Variants in ASIC2 observed in about 807,000 individuals in gnomAD.
ASIC2 encodes the protein acid-sensing ion channel 2.
A neutral mutation model predicts 57.3 loss-of-function variants in ASIC2; 25 were observed. The ratio of observed to expected loss-of-function variants is 0.44; its 90% CI spans 0.32 to 0.61. The LOEUF is 0.61. ASIC2 is among the 20% of genes least tolerant of loss of function. ASIC2 has a pLI of 0.06. For synonymous variants in ASIC2, 319 were observed against 307.5 expected (o/e 1.04, Z -0.39); for missense variants, 641 against 738.1 (o/e 0.87, Z 1.52).
intron 1 of ASIC2, among the ~76,000 whole-genome samples, chr17:33,750,630 T>C (rs962675540): frequency 9.2e-5 from 14 of 152,214 alleles, no homozygotes; most frequent in Admixed American, 9.2e-4. Flanking sequence ...GCACCCTATG[T>C]GGAGTGCACC....
chr17:34,130,032 T>C (rs1054640964), intron 1 of ASIC2, among the ~76,000 whole-genome samples: 1 of 152,214 alleles, frequency 6.6e-6, no homozygotes, highest in Non-Finnish European at 1.5e-5. Context: ...AAAGCCACCA[T>C]GGAAACTTGC....
At chr17:33,352,184 G>A (rs1276312612) in intron 1 of ASIC2, among the ~76,000 whole-genome samples, 2 of 152,112 alleles carry the variant, frequency 1.3e-5, no homozygotes, top group Non-Finnish European at 2.9e-5. Flanking sequence ...TCTTCCATCT[G>A]AATCTCGACT....
intron 1 of ASIC2, among the ~76,000 whole-genome samples, chr17:33,589,373 A>G (rs1904753240): frequency 1.3e-5 from 2 of 152,162 alleles, no homozygotes; most frequent in African/African-American, 4.8e-5. Flanking sequence ...TAAACATAAC[A>G]AAGTTTATTG....
chr17:33,153,904 C>T (rs1046035554), intron 1 of ASIC2, among the ~76,000 whole-genome samples: 6 of 152,196 alleles, frequency 3.9e-5, no homozygotes, highest in South Asian at 2.1e-4. Flanking sequence ...CACTGAGATC[C>T]GAGCTCCTGC....
intron 1 of ASIC2, among the ~76,000 whole-genome samples, chr17:34,024,047 G>C (rs1907280533): frequency 6.6e-6 from 1 of 152,200 alleles, no homozygotes; most frequent in Non-Finnish European, 1.5e-5. Context: ...ATGGAGGCAG[G>C]ATTTGAACCC....
At chr17:33,740,450 C>T (rs1444116993) in intron 1 of ASIC2, among the ~76,000 whole-genome samples, 2 of 152,172 alleles carry the variant, frequency 1.3e-5, no homozygotes, top group African/African-American at 4.8e-5. Context: ...GGAAAAGCCT[C>T]TTATAAAACT....
At chr17:33,051,475 T>C (rs75632399) in intron 3 of ASIC2, among the ~76,000 whole-genome samples, 6 of 152,172 alleles carry the variant, frequency 3.9e-5, no homozygotes, top group Non-Finnish European at 7.4e-5. Context: ...AGTTTTGTCA[T>C]TTCCTGGAAG....
At chr17:33,373,803 C>T (rs776209240) in intron 1 of ASIC2, among the ~76,000 whole-genome samples, 20 of 151,960 alleles carry the variant, frequency 1.3e-4, no homozygotes, top group African/African-American at 3.9e-4. Context: ...TTCAGCTTCC[C>T]GAGTAGCTGG....
rs1909384655 is a variant in ASIC2, at chr17:34,071,159, TCCATAC to T, written c.555+84813_555+84818del. ...ATGAATTGTGATTAGGCCAGATATC[TCCATAC>T]CCCTGGACAATATGTAGAATAGAGT... On this transcript the variant is annotated intron_variant, in intron 1 of 9. Transcript: ENST00000359872. 5 of 150,894 alleles carry T rather than the reference TCCATAC, an allele frequency of 3.3e-5. No homozygotes were observed. In the South Asian group the frequency reaches 1.1e-3, roughly 32 times the overall value. The allele number at this position is 150,894 out of a possible 1,614,324, so 9.3% of individuals were successfully genotyped here.
intron 1 of ASIC2, among the ~76,000 whole-genome samples, chr17:33,341,778 A>T (rs62069383): frequency 4.4e-4 from 67 of 152,332 alleles, no homozygotes; most frequent in African/African-American, 1.5e-3. Context: ...GTGGATACAC[A>T]GTTGAGAAAC....
chr17:33,100,796 A>T (rs895831584), intron 2 of ASIC2, among the ~76,000 whole-genome samples: 2 of 152,152 alleles, frequency 1.3e-5, no homozygotes, highest in African/African-American at 4.8e-5. Flanking sequence ...ATGAGGTCTG[A>T]GGTTGGGGCT....
chr17:33,044,602 T>A (rs540181379), intron 3 of ASIC2, among the ~76,000 whole-genome samples: 2 of 152,304 alleles, frequency 1.3e-5, no homozygotes, highest in Non-Finnish European at 1.5e-5. Flanking sequence ...CCTCAAATGA[T>A]CTGTCTGCTT....
chr17:33,717,188 A>T (rs190248100), intron 1 of ASIC2, among the ~76,000 whole-genome samples: 1 of 152,258 alleles, frequency 6.6e-6, no homozygotes, highest in Non-Finnish European at 1.5e-5. Flanking sequence ...AAAGGGTGTA[A>T]TTACCATTTC....
chr17:33,731,356 C>T (rs561483400), intron 1 of ASIC2, among the ~76,000 whole-genome samples: 74 of 152,194 alleles, frequency 4.9e-4, no homozygotes, highest in African/African-American at 1.7e-3. Context: ...ATTTGGAGCC[C>T]TTGCATTAGA....
rs1437249389 is a variant in ASIC2 at position 34,156,345 on chromosome 17, C to T, written c.188G>A (p.Arg63Lys). The T allele has an allele frequency of 6.2e-7, 1 of 1,614,226 alleles. No homozygotes were observed. The highest frequency in any genetic ancestry group is 8.5e-7 in the Non-Finnish European group (1 of 1,180,044). ...CTGGTAGGAGAAGTAGTAGGACACC[C>T]TCTCAGAGCTCTCCACCAGCAGCAG... The change falls in exon 1 of 10, where the codon AGG becomes AAG. Residue 63 changes from arginine (R) to lysine (K), a missense_variant. By Grantham distance (26) the Arg-to-Lys change is conservative. Coordinates refer to the ASIC2 transcript ENST00000359872. This position sits in a 1 kb window ranked among gnomAD's most constrained non-coding sequence, Gnocchi z 4.4.
chr17:33,534,869 A>T (rs1915174681), intron 1 of ASIC2, among the ~76,000 whole-genome samples: 1 of 152,222 alleles, frequency 6.6e-6, no homozygotes, highest in Admixed American at 6.5e-5. Context: ...CATTGATGTG[A>T]GGGGGGCTTA....
At chr17:33,347,750 C>CA (rs1408161442) in intron 1 of ASIC2, among the ~76,000 whole-genome samples, 1 of 152,098 alleles carries the variant, frequency 6.6e-6, no homozygotes, top group African/African-American at 2.4e-5. Flanking sequence ...GTGATGCAGT[C>CA]ATTGGCAATG....
At chr17:33,783,425 G>A (rs117419795) in intron 1 of ASIC2, among the ~76,000 whole-genome samples, 4,591 of 152,344 alleles carry the variant, frequency 0.03, 105 homozygotes, top group Middle Eastern at 0.068. Context: ...GGGACTAAAG[G>A]AATTCATGCA....
rs1041033954 is a variant in ASIC2 at position 33,919,504 on chromosome 17, A to G, written c.555+236474T>C. 2.4e-4 allele frequency among the ~76,000 whole-genome samples: 37 copies of G among 152,228 alleles called. 1 individual carries two copies. Among genetic ancestry groups the G allele is most frequent in the Non-Finnish European group, 5.9e-5 (4 of 68,050 alleles). ...ACTGGATTCATACCCTTTACCATAT[A>G]CAAAAATTAACTCAAGATGGATTAA... is the stretch of plus-strand genomic sequence containing the variant. On this transcript the variant is annotated intron_variant, in intron 1 of 9. Coordinates refer to the ASIC2 transcript ENST00000359872.
Sources: gnomAD v4.1 joint callset for allele counts (sites outside exome capture counted in the v4.1 genomes callset) on GRCh38, gnomAD v4.1.1 for gene constraint, Gnocchi (gnomAD v3.1) non-coding constraint, MANE v1.5 for transcripts, NCBI Gene and HGNC (gene_info 2026-07-23, HGNC 2026-07-21) for gene names.